Variants in CCR6 observed in about 807,000 individuals in gnomAD.
CCR6 encodes C-C motif chemokine receptor 6.
Under a neutral mutation model 3.0 loss-of-function variants are expected in CCR6, and 2 were observed. That is an observed-to-expected ratio of 0.66 (90% CI 0.27 to 2.07). The LOEUF is 2.07. Among genes scored for constraint, CCR6 ranks in the 30% most tolerant of loss-of-function variants. CCR6 has a pLI of 0.14. For missense variants in CCR6, 322 were observed against 462.8 expected (o/e 0.70, Z 2.79); for synonymous variants, 193 against 184.3 (o/e 1.05, Z -0.38).
chr6:167,114,990 G>A (rs980221149), intron 1 of CCR6: 4 of 152,230 alleles, frequency 2.6e-5, no homozygotes, highest in African/African-American at 9.6e-5. Flanking sequence ...ACAAACAGAT[G>A]TTTTAGTAAA....
chr6:167,114,449 A>T (rs528483888), intron 1 of CCR6, among the ~76,000 whole-genome samples: 1 of 152,314 alleles, frequency 6.6e-6, no homozygotes, highest in African/African-American at 2.4e-5. Flanking sequence ...CCTACATTTG[A>T]ACCCCAAGGA....
In CCR6 at chr6:167,129,969, C is replaced by G. The variant is rs139609431; in HGVS notation, c.-97-6069C>G. Among the ~76,000 whole-genome samples, 11 of 151,884 alleles carry G rather than the reference C, an allele frequency of 7.2e-5. No individual in the cohort carries two copies. In the South Asian group the frequency reaches 1.0e-3, roughly 14 times the overall value. On this transcript the variant is annotated intron_variant, in intron 1 of 2. Coordinates refer to ENST00000341935, the MANE Select transcript of CCR6 (RefSeq NM_031409.4). ...GTCATTAGATGACTTTTTCTTAGAG[C>G]CCCTGAAACTCCTCCTCCAAAGAAC...
At chr6:167,131,007 C>G (rs1331359247) in intron 1 of CCR6, among the ~76,000 whole-genome samples, 1 of 149,478 alleles carries the variant, frequency 6.7e-6, no homozygotes, top group Non-Finnish European at 1.5e-5. Context: ...CCTTTGGGAC[C>G]CCTCCTTCTG....
upstream of CCR6, among the ~76,000 whole-genome samples, chr6:167,117,883 C>T (rs972414844): frequency 4.6e-5 from 7 of 151,522 alleles, no homozygotes; most frequent in East Asian, 9.7e-4. Flanking sequence ...TGATGAAACG[C>T]GCAGGTCGCT....
chr6:167,137,355 A>T lies in CCR6; in HGVS notation c.1125A>T (p.Ter375CysextTer1), dbSNP rs1405277610. 6.2e-7 allele frequency: 1 copy of T among 1,606,386 alleles called. No individual in the cohort carries two copies. The highest frequency in any genetic ancestry group is 8.5e-7 in the Non-Finnish European group (1 of 1,177,476). ...ACAATGCGTCGTCCTTCACTATGTG[A>T]TAGAAAGCTGAGTCTCCCTAAGGCA... ...DNDNASSFTM* is the reference protein window; with the variant it reads ...DNDNASSFTMC The change falls in exon 3 of 3, where the codon TGA becomes TGT. Residue 375 changes from the stop codon to cysteine, a stop_lost. Transcript: ENST00000341935. This position sits in a 1 kb window ranked among gnomAD's most constrained non-coding sequence, Gnocchi z 4.6.
At chr6:167,135,652 C>T (rs925929775) in intron 1 of CCR6, among the ~76,000 whole-genome samples, 2 of 152,160 alleles carry the variant, frequency 1.3e-5, no homozygotes, top group African/African-American at 4.8e-5. Flanking sequence ...TTAAATTTTG[C>T]GTAAAGATTT....
At position 167,136,406 on chromosome 6, in the gene CCR6, T is replaced by C. The variant is rs1315121109; in HGVS notation, c.176T>C (p.Phe59Ser). 1 of 1,614,012 alleles carries C rather than the reference T, an allele frequency of 6.2e-7. No individual in the cohort carries two copies. Among genetic ancestry groups the C allele is most frequent in the Non-Finnish European group, 8.5e-7 (1 of 1,179,972 alleles). The change falls in exon 3 of 3, where the codon TTT (phenylalanine) becomes TCT (serine). Residue 59 changes from phenylalanine (F) to serine (S), a missense_variant. Transcript: ENST00000341935. This position sits in a 1 kb window ranked among gnomAD's most constrained non-coding sequence, Gnocchi z 4.6. ...ATTGCCTACTCCTTGATCTGTGTCT[T>C]TGGCCTCCTGGGGAATATTCTGGTG... is the stretch of plus-strand genomic sequence containing the variant. ...VPIAYSLICV[F>S]GLLGNILVVI...
upstream of CCR6, among the ~76,000 whole-genome samples, chr6:167,119,650 C>T (rs776139718): frequency 4.6e-5 from 7 of 152,260 alleles, no homozygotes; most frequent in Non-Finnish European, 7.3e-5. Flanking sequence ...CATTTGACAT[C>T]TTCGTAAACT....
At chr6:167,127,276 G>T (rs1307846750) in intron 1 of CCR6, 2 of 151,976 alleles carry the variant, frequency 1.3e-5, no homozygotes, top group African/African-American at 4.8e-5. Context: ...TGTTTCCAAA[G>T]AACAGGAACT....
intron 1 of CCR6, among the ~76,000 whole-genome samples, chr6:167,130,551 TCA>T (rs1193092369): frequency 2.6e-5 from 4 of 151,762 alleles, no homozygotes; most frequent in African/African-American, 7.3e-5. Context: ...TTAAAACAAT[TCA>T]CACAGTTTTT....
At chr6:167,131,759 G>T (rs4709149) in intron 1 of CCR6, among the ~76,000 whole-genome samples, 81,151 of 152,008 alleles carry the variant, frequency 0.53, 21,882 homozygotes, top group East Asian at 0.65. Flanking sequence ...GATCCTTGCT[G>T]TGACTGTTTA....
intron 1 of CCR6, among the ~76,000 whole-genome samples, chr6:167,129,953 T>C (rs952855731): frequency 6.6e-6 from 1 of 151,808 alleles, no homozygotes; most frequent in Non-Finnish European, 1.5e-5. Flanking sequence ...TGTCATTAGA[T>C]GACTTTTTCT....
In CCR6 at chr6:167,126,047, A is replaced by G. The variant is rs116629419; in HGVS notation, c.-98+2824A>G. 3.5e-3 allele frequency among the ~76,000 whole-genome samples: 535 copies of G among 152,270 alleles called. 7 individuals carry two copies. The highest frequency in any genetic ancestry group is 0.012 in the African/African-American group (512 of 41,554). ...TCCTAGTACATTTGCATTTCATTTA[A>G]AAGAGTAGGGTGGTGGCTTGTAGTC... On this transcript the variant is annotated intron_variant, in intron 1 of 2. Transcript: ENST00000341935.
intron 1 of CCR6, among the ~76,000 whole-genome samples, chr6:167,117,651 G>A (rs1409871845): frequency 2.6e-5 from 4 of 151,850 alleles, no homozygotes; most frequent in African/African-American, 4.8e-5. Context: ...TCCTGACCTC[G>A]TGATCCGCCC....
Position 167,130,514 on chromosome 6 carries a change from C to T in CCR6, c.-97-5524C>T, listed in dbSNP as rs41446644. Among the ~76,000 whole-genome samples the T allele has an allele frequency of 2.1e-3, 319 of 151,946 alleles. 14 individuals are homozygous for T. Among genetic ancestry groups the T allele is most frequent in the African/African-American group, 7.1e-3 (292 of 41,182 alleles). ...TCTTTACACGTTGAGGTGATACCCA[C>T]GCCAATCTGTCACCAAAACAGTTTC... On this transcript the variant is annotated intron_variant, in intron 1 of 2. Transcript: ENST00000341935.
chr6:167,136,797 C>T lies in CCR6; in HGVS notation c.567C>T (p.Tyr189=). The T allele has an allele frequency of 6.2e-7, 1 of 1,614,056 alleles. No homozygotes were observed. The highest frequency in any genetic ancestry group is 8.5e-7 in the Non-Finnish European group (1 of 1,180,044). The change falls in exon 3 of 3, where the codon TAC becomes TAT. Residue 189 remains tyrosine, a synonymous_variant. Coordinates refer to ENST00000341935, the MANE Select transcript of CCR6 (RefSeq NM_031409.4). This position sits in a 1 kb window ranked among gnomAD's most constrained non-coding sequence, Gnocchi z 4.6. ...CAACTTTTGTCTTCAACCAAAAATA[C>T]AACACCCAAGGCAGCGATGTCTGTG... ...SSSTFVFNQK[Y]NTQGSDVCEP...
intron 1 of CCR6, among the ~76,000 whole-genome samples, chr6:167,126,965 A>G (rs1005256412): frequency 1.3e-5 from 2 of 152,136 alleles, no homozygotes; most frequent in East Asian, 1.9e-4. Context: ...GCCATGCTGA[A>G]CTGAGTCAAT....
chr6:167,136,144 G>A lies in CCR6; in HGVS notation c.9+1G>A. 2 of 1,613,960 alleles carry A rather than the reference G, an allele frequency of 1.2e-6. No individual in the cohort carries two copies. Among genetic ancestry groups the A allele is most frequent in the African/African-American group, 1.3e-5 (1 of 75,038 alleles). ...ATTTTTTCTGCCCACAATGAGCGGG[G>A]TAAGATTTTTATTTTTGGCAAGGGG... is the stretch of plus-strand genomic sequence containing the variant. On this transcript the variant is annotated splice_donor_variant, in intron 2 of 2. Coordinates refer to ENST00000341935, the MANE Select transcript of CCR6 (RefSeq NM_031409.4). LOFTEE classifies it high-confidence loss of function. This position sits in a 1 kb window ranked among gnomAD's most constrained non-coding sequence, Gnocchi z 4.6.
At chr6:167,125,495 A>G (rs1781657262) in intron 1 of CCR6, among the ~76,000 whole-genome samples, 1 of 152,094 alleles carries the variant, frequency 6.6e-6, no homozygotes, top group African/African-American at 2.4e-5. Flanking sequence ...TCTCCCTGAG[A>G]GTGTGTGCTG....
Sources: allele counts gnomAD v4.1 joint callset (sites outside exome capture counted in the v4.1 genomes callset), GRCh38; gene constraint gnomAD v4.1.1; non-coding constraint Gnocchi (gnomAD v3.1); transcripts MANE v1.5; gene names NCBI Gene and HGNC (gene_info 2026-07-23, HGNC 2026-07-21).